The following SYNE2 variants were observed in gnomAD, a reference collection of about 807,000 sequenced individuals.
The protein encoded by SYNE2 is spectrin repeat containing nuclear envelope protein 2.
A neutral mutation model predicts 856.3 loss-of-function variants in SYNE2; 431 were observed. The observed-to-expected ratio is 0.50, with a 90% CI of 0.47 to 0.55. The LOEUF is 0.55. SYNE2 is among the 20% of genes least tolerant of loss of function. The pLI, the probability that SYNE2 is intolerant of heterozygous loss-of-function variation, is 0.00. For missense variants in SYNE2, 8,129 were observed against 8,023.2 expected (o/e 1.01, Z -0.50); for synonymous variants, 2,923 against 2,872.3 (o/e 1.02, Z -0.56).
intron 6 of SYNE2, among the ~76,000 whole-genome samples, chr14:63,948,800 A>ATGTATGTGTGTGTGTG (rs74216992): frequency 0.022 from 2,228 of 100,774 alleles, 162 homozygotes; most frequent in African/African-American, 0.077. Flanking sequence ...ATATATATAT[A>ATGTATGTGTGTGTGTG]TATATATATA....
At chr14:63,871,373 T>G (rs927656773) in intron 1 of SYNE2, among the ~76,000 whole-genome samples, 1 of 151,812 alleles carries the variant, frequency 6.6e-6, no homozygotes, top group Non-Finnish European at 1.5e-5. Flanking sequence ...GCCCGGCTAA[T>G]TTTTTTGTAT....
At chr14:64,224,712 G>T (rs1187328191) in intron 114 of SYNE2, among the ~76,000 whole-genome samples, 165 bp downstream of exon 114, 1 of 152,118 alleles carries the variant, frequency 6.6e-6, no homozygotes, top group Non-Finnish European at 1.5e-5. Context: ...CTCTTCTTTG[G>T]GATCACAGTA....
intron 63 of SYNE2, chr14:64,099,100 C>A (rs1400431872): frequency 2.4e-6 from 1 of 416,446 alleles, no homozygotes; most frequent in Non-Finnish European, 4.5e-6. Flanking sequence ...TGAGGACTTT[C>A]TCTGAAGTTT....
chr14:63,975,437 A>G (rs2096534575), intron 11 of SYNE2, among the ~76,000 whole-genome samples: 2 of 152,070 alleles, frequency 1.3e-5, no homozygotes, highest in Non-Finnish European at 2.9e-5. Context: ...GGCTCAAGTG[A>G]TCCTCCCACC....
chr14:64,175,767 A>T (rs2098432349), intron 95 of SYNE2, among the ~76,000 whole-genome samples: 1 of 152,122 alleles, frequency 6.6e-6, no homozygotes, highest in Non-Finnish European at 1.5e-5. Context: ...CACTCTCTCT[A>T]GTCTGTCGTG....
chr14:64,186,349 G>C, intron 96 of SYNE2, 75 bp from the exon 97 acceptor site: 2 of 1,592,532 alleles, frequency 1.3e-6, no homozygotes, highest in Admixed American at 3.3e-5. Flanking sequence ...CTAATCAAAG[G>C]ATTAGCCTAC....
intron 46 of SYNE2, 28 bp downstream of exon 46, chr14:64,048,183 A>G (rs751274317): frequency 1.2e-6 from 2 of 1,607,248 alleles, no homozygotes; most frequent in African/African-American, 1.3e-5. Context: ...CACTGACAAC[A>G]TGATTGCATC....
intron 1 of SYNE2, among the ~76,000 whole-genome samples, chr14:63,872,824 A>T (rs1323310760): frequency 6.6e-6 from 1 of 151,172 alleles, no homozygotes; most frequent in Non-Finnish European, 1.5e-5. Flanking sequence ...TATGTTGCAC[A>T]TTCTTCTGCA....
intron 1 of SYNE2, among the ~76,000 whole-genome samples, chr14:63,826,449 G>A (rs1044827033): frequency 1.3e-5 from 2 of 152,124 alleles, no homozygotes; most frequent in Admixed American, 1.3e-4. Flanking sequence ...ACAGGCATGT[G>A]CCACCACACC....
chr14:63,862,176 T>A (rs2140190782), intron 1 of SYNE2, among the ~76,000 whole-genome samples: 1 of 152,348 alleles, frequency 6.6e-6, no homozygotes, highest in Admixed American at 6.5e-5. Context: ...TCCCTTACAT[T>A]ATAGATAAAA....
At chr14:63,865,747 A>AAATTT (rs200940437) in intron 1 of SYNE2, among the ~76,000 whole-genome samples, 2,688 of 147,508 alleles carry the variant, frequency 0.018, 112 homozygotes, top group African/African-American at 0.064. Flanking sequence ...AAGAAAAAAG[A>AAATTT]AATTTATCTG....
chr14:63,771,140 G>A (rs1231965304), intron 1 of SYNE2, among the ~76,000 whole-genome samples: 1 of 147,482 alleles, frequency 6.8e-6, no homozygotes, highest in Non-Finnish European at 1.5e-5. Flanking sequence ...CGCAATCTCG[G>A]CTCACTGCAA....
At chr14:64,012,213 G>A (rs998032765) in intron 32 of SYNE2, among the ~76,000 whole-genome samples, 8 of 152,024 alleles carry the variant, frequency 5.3e-5, no homozygotes, top group Non-Finnish European at 1.0e-4. Flanking sequence ...CACCCTCCCC[G>A]CTACCTCGTC....
chr14:64,158,490 C>T, intron 85 of SYNE2, 135 bp from the exon 86 acceptor site: 1 of 930,580 alleles, frequency 1.1e-6, no homozygotes, highest in South Asian at 1.4e-5. Context: ...CTACCCTTTC[C>T]ACCTTCAGTT....
intron 1 of SYNE2, among the ~76,000 whole-genome samples, chr14:63,805,006 C>T (rs1276406808): frequency 6.6e-6 from 1 of 152,164 alleles, no homozygotes; most frequent in Non-Finnish European, 1.5e-5. Flanking sequence ...GAGTCCTTTT[C>T]CTGTTGCTTG....
chr14:64,165,139 G>C, intron 89 of SYNE2, 146 bp from the exon 90 acceptor site: 3 of 741,562 alleles, frequency 4.0e-6, no homozygotes. Flanking sequence ...TTCCCACCTC[G>C]GCCTCCCAAA....
intron 1 of SYNE2, among the ~76,000 whole-genome samples, chr14:63,802,759 G>T (rs1232512025): frequency 1.3e-5 from 2 of 152,138 alleles, no homozygotes; most frequent in African/African-American, 2.4e-5. Flanking sequence ...CCTTATGGTG[G>T]GTTCGTGGTC....
At chr14:63,833,258 T>C (rs1566596410) in intron 1 of SYNE2, among the ~76,000 whole-genome samples, 1 of 152,102 alleles carries the variant, frequency 6.6e-6, no homozygotes, top group East Asian at 1.9e-4. Flanking sequence ...AAATTCTATG[T>C]TACATACTGC....
At chr14:63,916,437 G>C (rs2095534195) in intron 2 of SYNE2, among the ~76,000 whole-genome samples, 1 of 152,144 alleles carries the variant, frequency 6.6e-6, no homozygotes, top group Non-Finnish European at 1.5e-5. Flanking sequence ...ATCTTTCGGA[G>C]TTCCTCGAAG....
Sources: gnomAD v4.1 joint callset for allele counts (sites outside exome capture counted in the v4.1 genomes callset) on GRCh38, gnomAD v4.1.1 for gene constraint, MANE v1.5 for transcripts, NCBI Gene and HGNC (gene_info 2026-07-23, HGNC 2026-07-21) for gene names.